The following EYS variants were observed in gnomAD, a reference collection of about 807,000 sequenced individuals.
The protein encoded by EYS is protein eyes shut homolog.
Under a neutral mutation model 282.1 loss-of-function variants are expected in EYS, and 250 were observed. The ratio of observed to expected loss-of-function variants is 0.89; its 90% CI spans 0.80 to 0.98. EYS has a LOEUF of 0.98. Among genes scored for constraint, EYS ranks in the 50% least tolerant of loss-of-function variants. The pLI is 0.00. For missense variants in EYS, 4,016 were observed against 3,709.0 expected (o/e 1.08, Z -2.15); for synonymous variants, 1,355 against 1,282.9 (o/e 1.06, Z -1.20).
intron 12 of EYS, among the ~76,000 whole-genome samples, chr6:65,069,426 C>T (rs1773843275): frequency 6.6e-6 from 1 of 151,906 alleles, no homozygotes; most frequent in Non-Finnish European, 1.5e-5. Context: ...ACAGAAATTG[C>T]TTTTTGCCAT....
At chr6:65,504,217 G>C (rs1378661502) in intron 2 of EYS, among the ~76,000 whole-genome samples, 2 of 151,532 alleles carry the variant, frequency 1.3e-5, no homozygotes, top group Non-Finnish European at 3.0e-5. Flanking sequence ...TATTACAAAT[G>C]GTATTATTTT....
At chr6:64,132,644 C>G (rs562365463) in intron 31 of EYS, among the ~76,000 whole-genome samples, 4 of 151,870 alleles carry the variant, frequency 2.6e-5, no homozygotes, top group Admixed American at 1.3e-4. Flanking sequence ...ATATCCACAA[C>G]CCAGCCTTAG....
intron 13 of EYS, among the ~76,000 whole-genome samples, chr6:64,998,087 C>T (rs1304623842): frequency 6.6e-6 from 1 of 152,160 alleles, no homozygotes; most frequent in Admixed American, 6.5e-5. Context: ...GTTTAATAAA[C>T]AAGACCTTAA....
intron 31 of EYS, among the ~76,000 whole-genome samples, chr6:64,123,373 A>G (rs1336927860): frequency 6.6e-6 from 1 of 152,202 alleles, no homozygotes; most frequent in Non-Finnish European, 1.5e-5. Context: ...ATCTGGGAGC[A>G]AATTTCTTAA....
chr6:65,034,523 T>C (rs1772706138), intron 13 of EYS, among the ~76,000 whole-genome samples: 1 of 152,050 alleles, frequency 6.6e-6, no homozygotes, highest in African/African-American at 2.4e-5. Flanking sequence ...AAGTGAGTTC[T>C]TGTGAAATCT....
chr6:64,323,764 T>C (rs1186616133), intron 29 of EYS, among the ~76,000 whole-genome samples: 2 of 152,100 alleles, frequency 1.3e-5, no homozygotes, highest in African/African-American at 2.4e-5. Flanking sequence ...TACAACTACA[T>C]GCTGTGAATT....
intron 19 of EYS, among the ~76,000 whole-genome samples, chr6:64,844,046 C>A (rs1487091245): frequency 6.6e-6 from 1 of 152,090 alleles, no homozygotes; most frequent in Non-Finnish European, 1.5e-5. Context: ...CTTGCTGCTG[C>A]CATGTAAGAG....
At chr6:63,992,088 C>T (rs764711735) in intron 34 of EYS, among the ~76,000 whole-genome samples, 4 of 151,646 alleles carry the variant, frequency 2.6e-5, no homozygotes, top group Non-Finnish European at 5.9e-5. Flanking sequence ...ACAAGAAATG[C>T]TAAAGGAAGT....
intron 22 of EYS, among the ~76,000 whole-genome samples, chr6:64,650,560 T>A (rs1328775236): frequency 6.6e-6 from 1 of 151,826 alleles, no homozygotes; most frequent in African/African-American, 2.4e-5. Flanking sequence ...AAACCTATAC[T>A]AAGTGAATGC....
chr6:65,113,435 T>C (rs57615451), intron 12 of EYS, among the ~76,000 whole-genome samples: 5,049 of 151,894 alleles, frequency 0.033, 219 homozygotes, highest in African/African-American at 0.1. Flanking sequence ...AAATACAGAG[T>C]TCAGTCACAT....
At chr6:65,435,333 CAT>C (rs1013352418) in intron 5 of EYS, among the ~76,000 whole-genome samples, 6 of 151,902 alleles carry the variant, frequency 3.9e-5, no homozygotes, top group African/African-American at 9.7e-5. Flanking sequence ...TAACAGTTCA[CAT>C]GTTATGATTT....
At chr6:65,110,624 C>CT (rs973497373) in intron 12 of EYS, among the ~76,000 whole-genome samples, 112 of 151,448 alleles carry the variant, frequency 7.4e-4, no homozygotes, top group African/African-American at 2.4e-3. Flanking sequence ...CTCTCTGTGG[C>CT]TTTTTTTTAA....
chr6:64,310,772 AAAAGAG>A (rs77706441), intron 29 of EYS, among the ~76,000 whole-genome samples: 1 of 96,308 alleles, frequency 1.0e-5, no homozygotes, highest in Non-Finnish European at 2.7e-5. Flanking sequence ...AAGGTGAAAA[AAAAGAG>A]AGAGAGAGAA....
intron 26 of EYS, among the ~76,000 whole-genome samples, chr6:64,490,234 A>C (rs1776697835): frequency 6.6e-6 from 1 of 150,810 alleles, no homozygotes; most frequent in Admixed American, 6.6e-5. Context: ...AATACACTAA[A>C]ACTGAAAATG....
chr6:64,520,003 C>T (rs1480096940), intron 26 of EYS, among the ~76,000 whole-genome samples: 1 of 151,806 alleles, frequency 6.6e-6, no homozygotes, highest in Non-Finnish European at 1.5e-5. Context: ...CTACCAGAAG[C>T]ATGGTCCAAC....
chr6:65,091,465 A>AAATG (rs959243570), intron 12 of EYS, among the ~76,000 whole-genome samples: 1 of 151,120 alleles, frequency 6.6e-6, no homozygotes, highest in African/African-American at 2.4e-5. Flanking sequence ...ATAAATAAAT[A>AAATG]AATAAATAAA....
chr6:65,691,185 T>G (rs1769228158), intron 1 of EYS, among the ~76,000 whole-genome samples: 1 of 150,322 alleles, frequency 6.7e-6, no homozygotes, highest in African/African-American at 2.4e-5. Context: ...TGAACTAATT[T>G]ACACTGCCGC....
intron 26 of EYS, among the ~76,000 whole-genome samples, chr6:64,439,681 A>G (rs142723476): frequency 6.6e-6 from 1 of 151,984 alleles, no homozygotes; most frequent in African/African-American, 2.4e-5. Context: ...TTTATATAAG[A>G]TATTGATACA....
At chr6:63,877,813 G>C (rs568349514) in intron 35 of EYS, among the ~76,000 whole-genome samples, 1 of 152,242 alleles carries the variant, frequency 6.6e-6, no homozygotes, top group East Asian at 1.9e-4. Flanking sequence ...ATGGTTTTCA[G>C]CTCCATCAGG....
Sources: gnomAD v4.1 joint callset for allele counts (sites outside exome capture counted in the v4.1 genomes callset) on GRCh38, gnomAD v4.1.1 for gene constraint, MANE v1.5 for transcripts, NCBI Gene and HGNC (gene_info 2026-07-23, HGNC 2026-07-21) for gene names.